Variants in COL5A1 observed in about 807,000 individuals in gnomAD.
COL5A1 encodes collagen alpha-1(V) chain.
Under a neutral mutation model 263.7 loss-of-function variants are expected in COL5A1, and 16 were observed. The ratio of observed to expected loss-of-function variants is 0.06; its 90% CI spans 0.04 to 0.09. COL5A1 has a LOEUF of 0.09. Among genes scored for constraint, COL5A1 ranks in the 10% least tolerant of loss-of-function variants. The pLI, the probability that COL5A1 is intolerant of heterozygous loss-of-function variation, is 1.00. For synonymous variants in COL5A1, 1,012 were observed against 1,004.5 expected (o/e 1.01, Z -0.14); for missense variants, 2,036 against 2,540.5 (o/e 0.80, Z 4.27).
intron 1 of COL5A1, among the ~76,000 whole-genome samples, chr9:134,648,190 A>G (rs943690976): frequency 2.4e-4 from 36 of 151,768 alleles, no homozygotes; most frequent in Non-Finnish European, 4.1e-4. Context: ...CAAGTTCTTC[A>G]GGTTTGGGAC....
At chr9:134,782,207 C>T (rs753130735) in intron 28 of COL5A1, among the ~76,000 whole-genome samples, 4 of 152,222 alleles carry the variant, frequency 2.6e-5, no homozygotes, top group Non-Finnish European at 5.9e-5. Flanking sequence ...TCAGAAAGCA[C>T]TGCCTGTTAC....
Position 134,642,418 on chromosome 9 carries a change from A to G in COL5A1, c.109+122A>G, listed in dbSNP as rs1249227388. The G allele has an allele frequency of 9.6e-6, 2 of 208,868 alleles. No homozygotes were observed. The highest frequency in any genetic ancestry group is 1.8e-4 in the South Asian group (1 of 5,612). 12.9% of individuals were successfully genotyped at this position (208,868 alleles called of 1,614,324 possible). ...CCTTGGCCTGTGGAATGCACGGGCC[A>G]AGACCACGAATGCCATTTGCTGGGG... On this transcript the variant is annotated intron_variant, in intron 1 of 65. Coordinates refer to ENST00000371817, the MANE Select transcript of COL5A1 (RefSeq NM_000093.5). This position sits in a 1 kb window ranked among gnomAD's most constrained non-coding sequence, Gnocchi z 4.5.
chr9:134,701,604 G>A (rs1193812273), intron 4 of COL5A1, among the ~76,000 whole-genome samples: 1 of 152,212 alleles, frequency 6.6e-6, no homozygotes, highest in Non-Finnish European at 1.5e-5. Flanking sequence ...AGTCTCCTGG[G>A]TGCTGGCTCG....
At chr9:134,760,499 TGCACACACGC>T in intron 18 of COL5A1, among the ~76,000 whole-genome samples, 1 of 63,194 alleles carries the variant, frequency 1.6e-5, no homozygotes, top group African/African-American at 6.7e-5. Context: ...ACACCACACA[TGCACACACGC>T]ATACACACCC....
chr9:134,826,636 A>G lies in COL5A1; in HGVS notation c.5067+732A>G, dbSNP rs1041197407. Among the ~76,000 whole-genome samples the G allele has an allele frequency of 9.7e-5, 10 of 102,700 alleles. No homozygotes were observed. The South Asian group carries it at 1.4e-3, about 15-fold the overall frequency. 67.4% of individuals were successfully genotyped at this position (102,700 alleles called of 152,430 possible). A position where few individuals can be genotyped will look rare whatever the true frequency, so the allele number is the denominator to read the frequency against. Reference sequence around the variant, plus strand: ...TGTGTGTGTAGATGGCATGTGGATGATGTGTGGGTGCATGTGGCTGGTGGA... The same window carrying G: ...TGTGTGTGTAGATGGCATGTGGATGGTGTGTGGGTGCATGTGGCTGGTGGA... On this transcript the variant is annotated intron_variant, in intron 63 of 65. Coordinates refer to ENST00000371817, the MANE Select transcript of COL5A1 (RefSeq NM_000093.5).
intron 5 of COL5A1, 82 bp downstream of exon 5, chr9:134,727,479 A>G: frequency 6.7e-7 from 1 of 1,502,390 alleles, no homozygotes; most frequent in Non-Finnish European, 9.2e-7. Flanking sequence ...AAGCCATGGG[A>G]CCCTTATTTT....
chr9:134,731,185 C>T (rs980739906), intron 7 of COL5A1, among the ~76,000 whole-genome samples: 2 of 152,310 alleles, frequency 1.3e-5, no homozygotes, highest in South Asian at 4.1e-4. Flanking sequence ...TCTGCAGCAC[C>T]GCCCTGGGAT....
chr9:134,710,559 G>GA (rs1833993709), intron 4 of COL5A1, among the ~76,000 whole-genome samples: 1 of 113,634 alleles, frequency 8.8e-6, no homozygotes, highest in Non-Finnish European at 1.9e-5. Flanking sequence ...TGCAGTGGTG[G>GA]GGGGGCCCCA....
chr9:134,823,264 G>A lies in COL5A1; in HGVS notation c.4645-152G>A. ...TGTTCTCATCTCAAGGATCCAGGAGGGTACAGGGGTCTCTGCCATTCTCTT... is the reference window on the plus strand; with the variant it reads ...TGTTCTCATCTCAAGGATCCAGGAGAGTACAGGGGTCTCTGCCATTCTCTT... On this transcript the variant is annotated intron_variant, in intron 60 of 65. Coordinates refer to ENST00000371817, the MANE Select transcript of COL5A1 (RefSeq NM_000093.5). The A allele has an allele frequency of 3.0e-6, 3 of 1,016,730 alleles. No homozygotes were observed. In the Admixed American group the frequency reaches 5.1e-5, roughly 17 times the overall value. 63.0% of individuals were successfully genotyped at this position (1,016,730 alleles called of 1,614,324 possible).
At chr9:134,814,985 G>A (rs1838686587) in intron 50 of COL5A1, 81 bp downstream of exon 50, 1 of 993,522 alleles carries the variant, frequency 1.0e-6, no homozygotes, top group Non-Finnish European at 1.5e-6. Flanking sequence ...CACTGGCGGT[G>A]CACTCTGCTC....
At chr9:134,679,252 TA>T (rs1832763902) in intron 1 of COL5A1, among the ~76,000 whole-genome samples, 1 of 148,494 alleles carries the variant, frequency 6.7e-6, no homozygotes, top group African/African-American at 2.5e-5. Flanking sequence ...TGGGGCTGGC[TA>T]GGGGGCACTG....
rs549951334 is a variant in COL5A1, at chr9:134,691,043, G to A, written c.241G>A (p.Ala81Thr). 11 of 1,613,408 alleles carry A rather than the reference G, an allele frequency of 6.8e-6. No individual in the cohort carries two copies. Among genetic ancestry groups the A allele is most frequent in the East Asian group, 2.2e-5 (1 of 44,904 alleles). ...TGTCGCTTACAGAGTCACCAAAGAC[G>A]CGCAGCTCAGCGCACCCACCAAGCA... The part of the protein sequence containing the change: ...PDVAYRVTKD[A>T]QLSAPTKQLY... Residue 81 changes from alanine to threonine, a missense_variant, in exon 2 of 66, where the codon GCG (alanine) becomes ACG (threonine). This residue lies in a region of COL5A1 where 600 missense variants were observed against 634.5 expected (regional missense o/e 0.95). Transcript: ENST00000371817.
At chr9:134,760,924 C>CACACATGCACACACACACGT (rs1836397486) in intron 18 of COL5A1, among the ~76,000 whole-genome samples, 1 of 144,718 alleles carries the variant, frequency 6.9e-6, no homozygotes, top group Admixed American at 6.7e-5. Context: ...CACACACGTA[C>CACACATGCACACACACACGT]ACACATGCAC....
intron 4 of COL5A1, among the ~76,000 whole-genome samples, chr9:134,721,406 C>T (rs1236956863): frequency 6.6e-6 from 1 of 152,110 alleles, no homozygotes; most frequent in South Asian, 2.1e-4. Context: ...CCTCTCGTCA[C>T]CCCATGGCAC....
At chr9:134,839,173 G>C (rs78158265) in intron 65 of COL5A1, among the ~76,000 whole-genome samples, 2,282 of 152,322 alleles carry the variant, frequency 0.015, 59 homozygotes, top group African/African-American at 0.052. Flanking sequence ...TGACGGGGCC[G>C]CTGAGCGGGC....
At chr9:134,671,661 C>T (rs1468035399) in intron 1 of COL5A1, among the ~76,000 whole-genome samples, 1 of 152,168 alleles carries the variant, frequency 6.6e-6, no homozygotes, top group Non-Finnish European at 1.5e-5. Flanking sequence ...CACATCTGGA[C>T]GAGTGCGTGA....
At chr9:134,705,563 C>G (rs1833811131) in intron 4 of COL5A1, among the ~76,000 whole-genome samples, 1 of 152,204 alleles carries the variant, frequency 6.6e-6, no homozygotes, top group African/African-American at 2.4e-5. Context: ...GACTTGGAGC[C>G]CCGTGTCCTC....
intron 4 of COL5A1, among the ~76,000 whole-genome samples, chr9:134,702,110 C>G (rs1833695042): frequency 6.6e-6 from 1 of 152,208 alleles, no homozygotes; most frequent in Non-Finnish European, 1.5e-5. Context: ...TGCACAGGGT[C>G]CTGGACTCTG....
rs772197094 is a variant in COL5A1, at chr9:134,730,289, G to A, written c.978G>A (p.Gly326=). The change falls in exon 7 of 66, where the codon GGG becomes GGA. Residue 326 remains glycine (G), a synonymous_variant. Coordinates refer to ENST00000371817, the MANE Select transcript of COL5A1 (RefSeq NM_000093.5). The part of the protein sequence containing the change: ...EAAPMPETSE[G]AGKEEDVGIG... ...CTCCCATGCCTGAAACCAGTGAAGG[G>A]GCTGGGAAGGAAGAGGACGTCGGCA... 4 of 1,614,100 alleles carry A rather than the reference G, an allele frequency of 2.5e-6. No individual in the cohort carries two copies. The highest frequency in any genetic ancestry group is 1.7e-5 in the Admixed American group (1 of 60,008).
Sources: allele counts gnomAD v4.1 joint callset (sites outside exome capture counted in the v4.1 genomes callset), GRCh38; gene constraint gnomAD v4.1.1; regional missense constraint gnomAD v4.1.1; non-coding constraint Gnocchi (gnomAD v3.1); transcripts MANE v1.5; gene names NCBI Gene and HGNC (gene_info 2026-07-23, HGNC 2026-07-21).